Variants in RSU1 observed in about 807,000 individuals in gnomAD.
The protein encoded by RSU1 is rsu-1.
A neutral mutation model predicts 31.1 loss-of-function variants in RSU1; 26 were observed. That is an observed-to-expected ratio of 0.84 (90% CI 0.61 to 1.16). RSU1 has a LOEUF of 1.16. RSU1 is among the 50% of genes most tolerant of loss of function. The probability of loss-of-function intolerance (pLI) is 0.00; values close to 1 mark genes in which losing one functional copy is unlikely to be tolerated. For missense variants in RSU1, 320 were observed against 339.1 expected, an observed-to-expected ratio of 0.94 and a Z score of 0.44; for synonymous variants, 164 against 136.3, an observed-to-expected ratio of 1.20 and a Z score of -1.41.
intron 8 of RSU1, among the ~76,000 whole-genome samples, chr10:16,627,224 T>A (rs1031342647): frequency 2.6e-5 from 4 of 152,232 alleles, no homozygotes; most frequent in Non-Finnish European, 4.4e-5. Context: ...CTTCCCTCCG[T>A]TATAGCCAGA....
intron 8 of RSU1, among the ~76,000 whole-genome samples, chr10:16,659,301 C>CTTTTTTTTTT (rs869035739): frequency 4.0e-3 from 396 of 100,252 alleles, no homozygotes; most frequent in Middle Eastern, 0.02. Context: ...AGGTTATATT[C>CTTTTTTTTTT]TTTTTTTTTT....
chr10:16,814,461 A>AAAG (rs1838482654), intron 2 of RSU1, among the ~76,000 whole-genome samples: 1 of 146,240 alleles, frequency 6.8e-6, no homozygotes, highest in African/African-American at 2.6e-5. Context: ...GAAAAAAAAA[A>AAAG]AAAAAAAGAA....
intron 2 of RSU1, among the ~76,000 whole-genome samples, chr10:16,789,545 G>C (rs576441143): frequency 2.6e-5 from 4 of 152,176 alleles, no homozygotes; most frequent in African/African-American, 9.7e-5. Flanking sequence ...TGAGTTCACT[G>C]TGAGTCTTGT....
At chr10:16,710,452 C>T (rs1241982768) in intron 7 of RSU1, among the ~76,000 whole-genome samples, 1 of 152,126 alleles carries the variant, frequency 6.6e-6, no homozygotes, top group Non-Finnish European at 1.5e-5. Context: ...ATTACAGATA[C>T]TTACCTGTAG....
chr10:16,719,503 C>T (rs1836212001), intron 7 of RSU1, among the ~76,000 whole-genome samples: 1 of 152,316 alleles, frequency 6.6e-6, no homozygotes, highest in African/African-American at 2.4e-5. Flanking sequence ...AACTTATTTG[C>T]TGTCACCTCT....
At chr10:16,748,325 G>A (rs1211418024) in intron 7 of RSU1, 3 of 151,876 alleles carry the variant, frequency 2.0e-5, no homozygotes, top group Non-Finnish European at 4.4e-5. Flanking sequence ...TTCTCGGCTC[G>A]TGGCCCCTTC....
intron 2 of RSU1, among the ~76,000 whole-genome samples, chr10:16,797,229 T>C (rs532967742): frequency 2.0e-5 from 3 of 152,242 alleles, no homozygotes; most frequent in African/African-American, 7.2e-5. Flanking sequence ...ACACTGCCTA[T>C]AGGGTAGCCC....
At position 16,590,846 on chromosome 10, in the gene RSU1, T is replaced by C. The variant is rs530884678; in HGVS notation, c.*2548A>G. 1 of 152,312 alleles carries C rather than the reference T, an allele frequency of 6.6e-6. No individual in the cohort carries two copies. The highest frequency in any genetic ancestry group is 1.5e-5 in the Non-Finnish European group (1 of 68,016). The allele number at this position is 152,312 out of a possible 1,614,324, so 9.4% of individuals were successfully genotyped here. ...GCTGGGACCATCCTTATATAGTTAG[T>C]TTTAAAAATCTTGCTTTTTCTGTTT... is the stretch of plus-strand genomic sequence containing the variant. On this transcript the variant is annotated 3_prime_UTR_variant, in exon 9 of 9. Transcript: ENST00000345264.
chr10:16,760,889 C>T (rs1221808985), intron 4 of RSU1, among the ~76,000 whole-genome samples: 1 of 152,156 alleles, frequency 6.6e-6, no homozygotes, highest in Non-Finnish European at 1.5e-5. Context: ...CTATCTGCTA[C>T]TCTGCTATGC....
intron 8 of RSU1, among the ~76,000 whole-genome samples, chr10:16,684,969 C>T (rs953914876): frequency 3.3e-5 from 5 of 152,044 alleles, no homozygotes; most frequent in Admixed American, 6.6e-5. Context: ...TTATTTAGGC[C>T]GGGTATGGTG....
intron 8 of RSU1, among the ~76,000 whole-genome samples, chr10:16,669,372 T>TC (rs113433647): frequency 0.19 from 28,339 of 149,882 alleles, 2,779 homozygotes; most frequent in South Asian, 0.26. Context: ...TCTGTTTTTT[T>TC]TCCCCCCCCA....
At chr10:16,610,954 G>T (rs765030213) in intron 8 of RSU1, among the ~76,000 whole-genome samples, 1 of 152,166 alleles carries the variant, frequency 6.6e-6, no homozygotes, top group Admixed American at 6.5e-5. Flanking sequence ...ATATTGGAAA[G>T]GTTTTTAAGC....
At chr10:16,645,936 G>A (rs201010925) in intron 8 of RSU1, among the ~76,000 whole-genome samples, 746 of 7,574 alleles carry the variant, frequency 0.098, 94 homozygotes, top group South Asian at 0.14. Context: ...ATACACATAT[G>A]TGTATATATA....
intron 2 of RSU1, among the ~76,000 whole-genome samples, chr10:16,804,469 C>T (rs780003524): frequency 5.9e-5 from 9 of 152,148 alleles, no homozygotes; most frequent in Non-Finnish European, 1.3e-4. Context: ...CCTAGGTATT[C>T]GCCCAGATGT....
Position 16,593,312 on chromosome 10 carries a change from G to T in RSU1, c.*82C>A. On this transcript the variant is annotated 3_prime_UTR_variant, in exon 9 of 9. Coordinates refer to ENST00000345264, the MANE Select transcript of RSU1 (RefSeq NM_012425.4). ...AAAAAGGCCTCACACGCAGCATTGGGTTTATTTGAGAGACAGGGCAAGAGA... is the reference window on the plus strand; with the variant it reads ...AAAAAGGCCTCACACGCAGCATTGGTTTTATTTGAGAGACAGGGCAAGAGA... 2.5e-6 allele frequency: 4 copies of T among 1,599,804 alleles called. No individual in the cohort carries two copies. In the South Asian group the frequency reaches 4.5e-5, roughly 18 times the overall value.
At chr10:16,727,260 A>G in intron 7 of RSU1, 1 of 392,588 alleles carries the variant, frequency 2.5e-6, no homozygotes, top group Non-Finnish European at 5.3e-6. Flanking sequence ...CACAGAGGAG[A>G]TAACTTGATT....
At chr10:16,776,317 G>C (rs1837529800) in intron 3 of RSU1, among the ~76,000 whole-genome samples, 2 of 152,062 alleles carry the variant, frequency 1.3e-5, no homozygotes, top group East Asian at 1.9e-4. Context: ...ACTTATGGTA[G>C]ATAATCAATG....
intron 8 of RSU1, among the ~76,000 whole-genome samples, chr10:16,631,610 GAA>G (rs1166937861): frequency 6.6e-6 from 1 of 152,184 alleles, no homozygotes; most frequent in African/African-American, 2.4e-5. Context: ...TTTTAAAAGT[GAA>G]AAGTGTCACT....
At chr10:16,682,218 C>T (rs1420124172) in intron 8 of RSU1, among the ~76,000 whole-genome samples, 2 of 152,094 alleles carry the variant, frequency 1.3e-5, no homozygotes, top group Admixed American at 6.5e-5. Flanking sequence ...CCCTCAGAGG[C>T]GTTCGAACCA....
Sources: gnomAD v4.1 joint callset for allele counts (sites outside exome capture counted in the v4.1 genomes callset) on GRCh38, gnomAD v4.1.1 for gene constraint, MANE v1.5 for transcripts, NCBI Gene and HGNC (gene_info 2026-07-23, HGNC 2026-07-21) for gene names.